Variants in DCAF6 observed in about 807,000 individuals in gnomAD.
DCAF6 encodes DDB1- and CUL4-associated factor 6.
DCAF6 carries 54 observed loss-of-function variants against 125.1 expected under a neutral mutation model. That is an observed-to-expected ratio of 0.43 (90% CI 0.35 to 0.54). The LOEUF is 0.54. DCAF6 is among the 20% of genes least tolerant of loss of function. The pLI is 0.01. For missense variants in DCAF6, 934 were observed against 1,161.7 expected (o/e 0.80, Z 2.85); for synonymous variants, 371 against 390.4 (o/e 0.95, Z 0.58).
the DCAF6 span, among the ~76,000 whole-genome samples, chr1:167,930,287 A>G: frequency 6.6e-6 from 1 of 152,222 alleles, no homozygotes; most frequent in African/African-American, 2.4e-5. Flanking sequence ...AATAGCTAAG[A>G]TGCATTGTAG....
At chr1:167,906,570 T>G in the DCAF6 span, among the ~76,000 whole-genome samples, 15 of 151,394 alleles carry the variant, frequency 9.9e-5, no homozygotes, top group African/African-American at 3.4e-4. Flanking sequence ...GGAGTATTGC[T>G]TGAGCCCGAG....
At chr1:168,005,297 A>G (rs770177413) in intron 10 of DCAF6, among the ~76,000 whole-genome samples, 4 of 152,066 alleles carry the variant, frequency 2.6e-5, no homozygotes, top group Non-Finnish European at 5.9e-5. Flanking sequence ...TTGTTTCTCT[A>G]GTATTTACAT....
the DCAF6 span, chr1:167,880,552 T>C: frequency 1.2e-6 from 2 of 1,613,972 alleles, no homozygotes; most frequent in South Asian, 1.1e-5. Context: ...AGAGCATGAG[T>C]GAGCTCGTCA....
At chr1:167,996,004 G>T (rs1380625091) in intron 7 of DCAF6, among the ~76,000 whole-genome samples, 5 of 152,180 alleles carry the variant, frequency 3.3e-5, no homozygotes, top group African/African-American at 7.2e-5. Context: ...TAAGGACTAT[G>T]TTCTGTATAA....
At chr1:168,070,789 G>T (rs537389808) in intron 21 of DCAF6, among the ~76,000 whole-genome samples, 14 of 152,268 alleles carry the variant, frequency 9.2e-5, no homozygotes, top group African/African-American at 3.1e-4. Context: ...GGTTTGCATG[G>T]ATCATTCTAG....
intron 1 of DCAF6, among the ~76,000 whole-genome samples, chr1:167,951,017 A>G (rs1673841918): frequency 6.6e-6 from 1 of 152,066 alleles, no homozygotes; most frequent in Middle Eastern, 3.4e-3. Context: ...TAAAAACCTT[A>G]CTCCCTACCT....
At chr1:168,017,691 A>G (rs547822357) in intron 11 of DCAF6, among the ~76,000 whole-genome samples, 2 of 152,254 alleles carry the variant, frequency 1.3e-5, no homozygotes, top group Admixed American at 6.5e-5. Flanking sequence ...TATCTTATAC[A>G]TAATAATTAA....
At chr1:167,974,387 C>T (rs761220950) in intron 3 of DCAF6, among the ~76,000 whole-genome samples, 12 of 152,090 alleles carry the variant, frequency 7.9e-5, no homozygotes, top group Non-Finnish European at 1.8e-4. Flanking sequence ...GTAGGGACTT[C>T]TGCTGTGTCT....
chr1:167,910,805 C>T, the DCAF6 span, among the ~76,000 whole-genome samples: 4 of 152,168 alleles, frequency 2.6e-5, no homozygotes, highest in African/African-American at 4.8e-5. Context: ...CCCTCTCCTG[C>T]CCCCAGTTCA....
At chr1:168,057,721 T>C (rs1168488823) in intron 17 of DCAF6, among the ~76,000 whole-genome samples, 1 of 152,222 alleles carries the variant, frequency 6.6e-6, no homozygotes, top group Non-Finnish European at 1.5e-5. Flanking sequence ...GTAATTGCAT[T>C]GACAGGGCTT....
the DCAF6 span, among the ~76,000 whole-genome samples, chr1:167,896,173 T>G: frequency 6.6e-6 from 1 of 152,052 alleles, no homozygotes; most frequent in Non-Finnish European, 1.5e-5. Context: ...GAAGAGCAGG[T>G]GAGCACAGAC....
chr1:167,911,040 T>C, the DCAF6 span, among the ~76,000 whole-genome samples: 1 of 152,224 alleles, frequency 6.6e-6, no homozygotes, highest in Non-Finnish European at 1.5e-5. Flanking sequence ...TTGCTAAAGT[T>C]GTTAACACTG....
At chr1:168,033,002 TACTC>T (rs1687297159) in intron 12 of DCAF6, among the ~76,000 whole-genome samples, 2 of 151,062 alleles carry the variant, frequency 1.3e-5, no homozygotes, top group South Asian at 4.2e-4. Flanking sequence ...ATATATAAAA[TACTC>T]AGCATTTTTT....
intron 17 of DCAF6, among the ~76,000 whole-genome samples, chr1:168,053,228 A>AT: frequency 6.6e-6 from 1 of 152,298 alleles, no homozygotes; most frequent in African/African-American, 2.4e-5. Context: ...ATCACAGTGC[A>AT]TTGTATATTT....
chr1:168,073,990 G>A (rs1693483973), intron 21 of DCAF6, among the ~76,000 whole-genome samples: 1 of 143,568 alleles, frequency 7.0e-6, no homozygotes, highest in Non-Finnish European at 1.5e-5. Flanking sequence ...TAAAATAAAT[G>A]AACAAAATAA....
chr1:167,955,415 A>G (rs1372410653), intron 2 of DCAF6, among the ~76,000 whole-genome samples: 1 of 150,082 alleles, frequency 6.7e-6, no homozygotes, highest in African/African-American at 2.4e-5. Context: ...CAGTGGGTCC[A>G]TGTCCTCACC....
At chr1:167,954,568 T>C (rs1346077675) in intron 2 of DCAF6, among the ~76,000 whole-genome samples, 1 of 152,084 alleles carries the variant, frequency 6.6e-6, no homozygotes, top group African/African-American at 2.4e-5. Flanking sequence ...GTCTCCTGCC[T>C]CAGCCTCCTG....
chr1:168,072,054 T>G (rs1298601914), intron 21 of DCAF6, among the ~76,000 whole-genome samples: 2 of 151,764 alleles, frequency 1.3e-5, no homozygotes, highest in Non-Finnish European at 2.9e-5. Flanking sequence ...TCCCAGCACT[T>G]TGGGAGGCCG....
intron 19 of DCAF6, 128 bp from the exon 20 acceptor site, chr1:168,066,249 A>G (rs1354088910): frequency 2.1e-6 from 1 of 471,510 alleles, no homozygotes; most frequent in Non-Finnish European, 3.7e-6. Context: ...TTCAATTAAC[A>G]GTTAAATATA....
Sources: gnomAD v4.1 joint callset for allele counts (sites outside exome capture counted in the v4.1 genomes callset) on GRCh38, gnomAD v4.1.1 for gene constraint, MANE v1.5 for transcripts, NCBI Gene and HGNC (gene_info 2026-07-23, HGNC 2026-07-21) for gene names.